ZNF585B: variants seen among roughly 807,000 people sequenced by gnomAD.
ZNF585B encodes zinc finger protein 41-like protein.
A neutral mutation model predicts 14.0 loss-of-function variants in ZNF585B; 7 were observed. The observed-to-expected ratio is 0.50, with a 90% CI of 0.28 to 0.94. The LOEUF (loss-of-function observed/expected upper bound fraction) is 0.94. ZNF585B is among the 40% of genes least tolerant of loss of function. The pLI is 0.09. For synonymous variants in ZNF585B, 290 were observed against 317.3 expected, an observed-to-expected ratio of 0.91 and a Z score of 0.91; for missense variants, 750 against 924.4, an observed-to-expected ratio of 0.81 and a Z score of 2.45.
intron 2 of ZNF585B, among the ~76,000 whole-genome samples, chr19:37,203,858 C>T (rs1008550951): frequency 6.6e-6 from 1 of 152,126 alleles, no homozygotes; most frequent in African/African-American, 2.4e-5. Context: ...AAACTCCCGA[C>T]CTCAGGTGAT....
chr19:37,199,771 C>A (rs975809272), intron 2 of ZNF585B, among the ~76,000 whole-genome samples: 1 of 152,064 alleles, frequency 6.6e-6, no homozygotes, highest in Non-Finnish European at 1.5e-5. Flanking sequence ...ACAGGCCAGG[C>A]GCTGTGGCTC....
intron 2 of ZNF585B, chr19:37,199,462 C>A: frequency 8.8e-6 from 4 of 453,620 alleles, no homozygotes; most frequent in Non-Finnish European, 8.9e-6. Context: ...GAAGTCCAGG[C>A]TACAGTGAGC....
At chr19:37,209,038 T>C (rs1283023446) in intron 1 of ZNF585B, among the ~76,000 whole-genome samples, 2 of 152,008 alleles carry the variant, frequency 1.3e-5, no homozygotes, top group Admixed American at 6.5e-5. Flanking sequence ...TTTAGGCAAA[T>C]TGCTTTTATA....
At position 37,185,667 on chromosome 19, in the gene ZNF585B, G is replaced by A; in HGVS notation, c.1870C>T (p.His624Tyr). The part of the protein sequence containing the change: ...SFTSKSQLLV[H>Y]QPVHTGEKPY... ...TTCTCTCCTGTGTGAACTGGCTGAT[G>A]CACCAGGAGCTGAGACTTGGAGGTA... Residue 624 changes from histidine (H) to tyrosine (Y), a missense_variant, in exon 5 of 5, where the codon CAT (histidine) becomes TAT (tyrosine). By Grantham distance (83) the His-to-Tyr change is moderately conservative. This residue lies in a region of ZNF585B where 233 missense variants were observed against 354.1 expected (regional missense o/e 0.66). Coordinates refer to ENST00000532828, the MANE Select transcript of ZNF585B (RefSeq NM_152279.4). The A allele has an allele frequency of 6.2e-7, 1 of 1,613,222 alleles. No individual in the cohort carries two copies. Among genetic ancestry groups the A allele is most frequent in the Non-Finnish European group, 8.5e-7 (1 of 1,179,700 alleles).
intron 2 of ZNF585B, among the ~76,000 whole-genome samples, chr19:37,197,902 T>C (rs1418412673): frequency 1.3e-5 from 2 of 152,144 alleles, no homozygotes; most frequent in Non-Finnish European, 2.9e-5. Flanking sequence ...ATGGCACTAA[T>C]TATTAGGGAG....
At chr19:37,198,170 TTTA>T (rs1215244102) in intron 2 of ZNF585B, among the ~76,000 whole-genome samples, 3 of 152,036 alleles carry the variant, frequency 2.0e-5, no homozygotes, top group African/African-American at 4.8e-5. Context: ...ATTTATTTAT[TTTA>T]TTATTATTAT....
intron 2 of ZNF585B, among the ~76,000 whole-genome samples, chr19:37,204,905 C>G (rs1192255148): frequency 6.6e-6 from 1 of 152,070 alleles, no homozygotes; most frequent in Non-Finnish European, 1.5e-5. Context: ...CGCCACCATG[C>G]CTGACAAATA....
chr19:37,184,418 G>GAAAGAA lies in ZNF585B; in HGVS notation c.*803_*808dup, dbSNP rs1972299403. On this transcript the variant is annotated 3_prime_UTR_variant, in exon 5 of 5. Coordinates refer to ENST00000532828, the MANE Select transcript of ZNF585B (RefSeq NM_152279.4). ...AAAGAAAGAAAGAAAGAAAGAAAGA[G>GAAAGAA]AAAGAAAGAAAAAGAAAGAAAGAAG... The GAAAGAA allele has an allele frequency of 4.3e-5, 2 of 47,002 alleles. 1 individual carries two copies. The highest frequency in any genetic ancestry group is 1.0e-3 in the East Asian group (2 of 2,010). The allele number at this position is 47,002 out of a possible 1,614,324, so 2.9% of individuals were successfully genotyped here.
In ZNF585B at chr19:37,186,980, T is replaced by A; in HGVS notation, c.557A>T (p.Tyr186Phe). Reference sequence around the variant, plus strand: ...GGATTTTCCACATTCATTGCACTTATAGGGCTTCTCTCTCATATGGGTTTT... The same window carrying A: ...GGATTTTCCACATTCATTGCACTTAAAGGGCTTCTCTCTCATATGGGTTTT... ...HQKTHMREKP[Y>F]KCNECGKSFF... Residue 186 changes from tyrosine to phenylalanine, a missense_variant, in exon 5 of 5, where the codon TAT becomes TTT. Physicochemically the swap from Tyr to Phe is conservative, Grantham distance 22. Coordinates refer to ENST00000532828, the MANE Select transcript of ZNF585B (RefSeq NM_152279.4). 6.2e-7 allele frequency: 1 copy of A among 1,614,028 alleles called. No homozygotes were observed. The highest frequency in any genetic ancestry group is 2.2e-5 in the East Asian group (1 of 44,880).
intron 2 of ZNF585B, among the ~76,000 whole-genome samples, chr19:37,200,053 T>TAATAAAATAAAATAA (rs74174449): frequency 1.4e-5 from 2 of 144,550 alleles, no homozygotes; most frequent in Non-Finnish European, 3.0e-5. Flanking sequence ...CAAAAATAAA[T>TAATAAAATAAAATAA]AATAAAATAA....
At position 37,185,010 on chromosome 19, in the gene ZNF585B, T is replaced by C; in HGVS notation, c.*217A>G. On this transcript the variant is annotated 3_prime_UTR_variant, in exon 5 of 5. Coordinates refer to ENST00000532828, the MANE Select transcript of ZNF585B (RefSeq NM_152279.4). ...AAATTGACTCGGTTCCTTGTCAGTA[T>C]GAATAATGACCCAAGGTTTACTGGG... The C allele has an allele frequency of 4.0e-6, 2 of 499,786 alleles. No individual in the cohort carries two copies. Among genetic ancestry groups the C allele is most frequent in the Non-Finnish European group, 7.0e-6 (2 of 284,520 alleles). The allele number at this position is 499,786 out of a possible 1,614,324, so 31.0% of individuals were successfully genotyped here.
chr19:37,204,595 G>A (rs990212776), intron 2 of ZNF585B, among the ~76,000 whole-genome samples: 1 of 152,174 alleles, frequency 6.6e-6, no homozygotes, highest in Non-Finnish European at 1.5e-5. Flanking sequence ...TTTCTTTTGA[G>A]ACAAAGTCTA....
At position 37,184,426 on chromosome 19, in the gene ZNF585B, GAAAA is replaced by G. The variant is rs66685835; in HGVS notation, c.*797_*800del. The G allele has an allele frequency of 1.7e-4, 7 of 40,212 alleles. No homozygotes were observed. The highest frequency in any genetic ancestry group is 5.3e-4 in the East Asian group (1 of 1,892). The allele number at this position is 40,212 out of a possible 1,614,324, so 2.5% of individuals were successfully genotyped here. On this transcript the variant is annotated 3_prime_UTR_variant, in exon 5 of 5. Transcript: ENST00000532828. ...AAAGAAAGAAAGAAAGAGAAAGAAA[GAAAA>G]AGAAAGAAAGAAGGAAAGAAAGAAA...
Position 37,187,138 on chromosome 19 carries a change from A to T in ZNF585B, c.399T>A (p.Ala133=), listed in dbSNP as rs1972347539. Residue 133 remains alanine, a synonymous_variant, in exon 5 of 5, where the codon GCT becomes GCA. Coordinates refer to ENST00000532828, the MANE Select transcript of ZNF585B (RefSeq NM_152279.4). ...IYSGEKSYEC[A]EFGKSFTWKS... ...TCCAGGTGAAGCTCTTTCCAAATTC[A>T]GCACACTCATAGGATTTTTCCCCAG... The T allele has an allele frequency of 6.2e-7, 1 of 1,614,100 alleles. No homozygotes were observed. Among genetic ancestry groups the T allele is most frequent in the African/African-American group, 1.3e-5 (1 of 75,052 alleles).
At chr19:37,199,015 G>T in intron 2 of ZNF585B, 1 of 1,529,526 alleles carries the variant, frequency 6.5e-7, no homozygotes, top group South Asian at 1.2e-5. Context: ...GTGCTTATAG[G>T]GCTCAGAACA....
At chr19:37,193,205 C>T (rs1972422676) in intron 2 of ZNF585B, among the ~76,000 whole-genome samples, 1 of 152,018 alleles carries the variant, frequency 6.6e-6, no homozygotes. Flanking sequence ...GACATGGTGG[C>T]TCACACCTGT....
chr19:37,203,479 C>CAAA lies in ZNF585B; in HGVS notation c.72+3558_72+3560dup, dbSNP rs35565550. Among the ~76,000 whole-genome samples the CAAA allele has an allele frequency of 2.8e-4, 32 of 114,734 alleles. 1 individual carries two copies. Among genetic ancestry groups the CAAA allele is most frequent in the Admixed American group, 2.9e-4 (3 of 10,182 alleles). 75.3% of individuals were successfully genotyped at this position (114,734 alleles called of 152,430 possible). A position where few individuals can be genotyped will look rare whatever the true frequency, so the allele number is the denominator to read the frequency against. ...TGGGCAACATAGTAAGATCTTGTCACAAAAAAAAAAAAAAAAAAAAGTAGT... is the reference window on the plus strand; with the variant it reads ...TGGGCAACATAGTAAGATCTTGTCACAAAAAAAAAAAAAAAAAAAAAAAGTAGT... On this transcript the variant is annotated intron_variant, in intron 2 of 4. Coordinates refer to ENST00000532828, the MANE Select transcript of ZNF585B (RefSeq NM_152279.4).
Position 37,186,349 on chromosome 19 carries a change from T to C in ZNF585B, c.1188A>G (p.Ala396=). Residue 396 remains alanine, a synonymous_variant, in exon 5 of 5, where the codon GCA becomes GCG. Coordinates refer to ENST00000532828, the MANE Select transcript of ZNF585B (RefSeq NM_152279.4). The stretch of plus-strand genomic sequence containing the variant: ...TATGAATTCTCTGATGCACTGTGAG[T>C]GCTGACTTCTGAGTGAAGGCTCTCC... ...DCGRAFTQKS[A]LTVHQRIHTG... The C allele has an allele frequency of 1.9e-6, 3 of 1,614,094 alleles. No individual in the cohort carries two copies. Among genetic ancestry groups the C allele is most frequent in the Non-Finnish European group, 2.5e-6 (3 of 1,180,008 alleles).
At chr19:37,189,029 C>T (rs540522110) in intron 4 of ZNF585B, among the ~76,000 whole-genome samples, 175 of 152,062 alleles carry the variant, frequency 1.2e-3, no homozygotes, top group African/African-American at 4.2e-3. Context: ...CCTTCACTTC[C>T]CGGGTTCAAG....
Sources: gnomAD v4.1 joint callset for allele counts (sites outside exome capture counted in the v4.1 genomes callset) on GRCh38, gnomAD v4.1.1 for gene constraint, gnomAD v4.1.1 regional missense constraint, MANE v1.5 for transcripts, NCBI Gene and HGNC (gene_info 2026-07-23, HGNC 2026-07-21) for gene names.